PKD1L3: variants seen among roughly 807,000 people sequenced by gnomAD.
The protein encoded by PKD1L3 is polycystin 1 like 3, transient receptor potential channel interacting.
Under a neutral mutation model 184.1 loss-of-function variants are expected in PKD1L3, and 239 were observed. That is an observed-to-expected ratio of 1.30 (90% CI 1.17 to 1.45). The LOEUF is 1.45. Ranked by LOEUF, PKD1L3 falls within the 40% of genes most tolerant of loss-of-function variation. The pLI is 0.00. For missense variants in PKD1L3, 2,660 were observed against 2,067.2 expected (o/e 1.29, Z -5.56); for synonymous variants, 996 against 778.8 (o/e 1.28, Z -4.64).
chr16:71,950,799 C>T (rs1302401350), intron 19 of PKD1L3, among the ~76,000 whole-genome samples: 3 of 146,966 alleles, frequency 2.0e-5, no homozygotes, highest in African/African-American at 7.6e-5. Context: ...GTGGCACGAT[C>T]TTGGCTCACT....
chr16:71,993,980 G>A (rs1378498538), intron 2 of PKD1L3, among the ~76,000 whole-genome samples: 1 of 152,098 alleles, frequency 6.6e-6, no homozygotes, highest in Non-Finnish European at 1.5e-5. Flanking sequence ...ATGTTGGCCA[G>A]GCTGGTCTTG....
intron 10 of PKD1L3, 30 bp downstream of exon 10, chr16:71,978,225 C>A: frequency 6.5e-7 from 1 of 1,538,670 alleles, no homozygotes; most frequent in Non-Finnish European, 8.8e-7. Flanking sequence ...CCATTCTCTT[C>A]TATTTTATTC....
rs756549601 is a variant in PKD1L3 at position 71,973,335 on chromosome 16, C to T, written c.1942G>A (p.Ala648Thr). ...WEIHNQTWSS[A>T]GCQVGPQSTI... is the part of the protein sequence containing the mutation. Reference sequence around the variant, plus strand: ...GCTCAGTTTCTTACTTGGCATCCGGCGCTGCTCCATGTCTGGTTGTGGATC... The same window carrying T: ...GCTCAGTTTCTTACTTGGCATCCGGTGCTGCTCCATGTCTGGTTGTGGATC... The change falls in exon 12 of 30, where the codon GCC (alanine) becomes ACC (threonine). Residue 648 changes from alanine (A) to threonine (T), a missense_variant. Physicochemically the swap from Ala to Thr is moderately conservative, Grantham distance 58. Coordinates refer to ENST00000620267, the MANE Select transcript of PKD1L3 (RefSeq NM_181536.2). 9.0e-6 allele frequency: 14 copies of T among 1,551,578 alleles called. No individual in the cohort carries two copies. The highest frequency in any genetic ancestry group is 5.9e-5 in the South Asian group (5 of 84,054).
chr16:71,997,459 A>T (rs932725827), intron 2 of PKD1L3, among the ~76,000 whole-genome samples: 4 of 151,862 alleles, frequency 2.6e-5, no homozygotes, highest in Non-Finnish European at 5.9e-5. Context: ...CACATAAAAA[A>T]ATAAATAGGC....
Position 71,982,164 on chromosome 16 carries a change from A to G in PKD1L3, c.1038T>C (p.Ser346=), listed in dbSNP as rs180760528. 46 of 1,551,174 alleles carry G rather than the reference A, an allele frequency of 3.0e-5. No homozygotes were observed. In the African/African-American group the frequency reaches 5.1e-4, roughly 17 times the overall value. ...CAGTTGGAGGAACTTTGAAGCCCAGACTGTTGTTGTTCTGAAATGGGATCC... is the reference window on the plus strand; with the variant it reads ...CAGTTGGAGGAACTTTGAAGCCCAGGCTGTTGTTGTTCTGAAATGGGATCC... ...LLRIPFQNNN[S]LGFKVPPTVC... is the part of the protein sequence containing the mutation. The change falls in exon 7 of 30, where the codon AGT becomes AGC. Residue 346 remains serine, a synonymous_variant. Coordinates refer to ENST00000620267, the MANE Select transcript of PKD1L3 (RefSeq NM_181536.2).
Position 71,984,245 on chromosome 16 carries a change from C to T in PKD1L3, c.835-78G>A. On this transcript the variant is annotated intron_variant, in intron 5 of 29. Transcript: ENST00000620267. Reference sequence around the variant, plus strand: ...TAGTAGTCAGGGAGATTATTTTCATCCAAGTTGACCTTGGGTAACTTTATA... The same window carrying T: ...TAGTAGTCAGGGAGATTATTTTCATTCAAGTTGACCTTGGGTAACTTTATA... The T allele has an allele frequency of 2.1e-6, 3 of 1,431,856 alleles. No homozygotes were observed. The East Asian group carries it at 7.7e-5, about 37-fold the overall frequency. 88.7% of individuals were successfully genotyped at this position (1,431,856 alleles called of 1,614,324 possible).
rs757185622 is a variant in PKD1L3 at position 71,944,187 on chromosome 16, T to C, written c.3719-17A>G. ...AACATTTTGCTGTCAAAAATTCAAA[T>C]ATAGACCAAAGAAATGTTATATTTC... On this transcript the variant is annotated splice_polypyrimidine_tract_variant and intron_variant, in intron 22 of 29. Transcript: ENST00000620267. 3 of 1,540,746 alleles carry C rather than the reference T, an allele frequency of 1.9e-6. No individual in the cohort carries two copies. In the South Asian group the frequency reaches 3.6e-5, roughly 19 times the overall value.
chr16:71,973,198 G>A (rs767131946), intron 12 of PKD1L3, 126 bp downstream of exon 12: 31 of 1,188,064 alleles, frequency 2.6e-5, no homozygotes, highest in Non-Finnish European at 3.1e-5. Context: ...CTTTTGCCCA[G>A]GCAGAGTTAT....
In PKD1L3 at chr16:71,934,110, A is replaced by T; in HGVS notation, c.4629T>A (p.Tyr1543Ter). The change falls in exon 27 of 30, where the codon TAT becomes TAA. Residue 1543 changes from tyrosine (Y) to a stop codon, truncating the protein, a stop_gained. Transcript: ENST00000620267. LOFTEE classifies it high-confidence loss of function. The part of the protein sequence containing the change: ...RDDQDRFISF[Y>*]EAVKVNSAAT... ...CAGCAGAGTTCACTTTTACTGCCTC[A>T]TAGAAGCTGATGAATCTGCACCAAG... The T allele has an allele frequency of 6.4e-7, 1 of 1,551,912 alleles. No individual in the cohort carries two copies. The highest frequency in any genetic ancestry group is 8.7e-7 in the Non-Finnish European group (1 of 1,147,046).
intron 3 of PKD1L3, among the ~76,000 whole-genome samples, chr16:71,992,168 A>T (rs188677294): frequency 4.7e-4 from 71 of 152,234 alleles, no homozygotes; most frequent in African/African-American, 1.5e-3. Flanking sequence ...TGCTGAGGGG[A>T]GATCCAGCCC....
At position 71,998,404 on chromosome 16, in the gene PKD1L3, G is replaced by A. The variant is rs1156743156; in HGVS notation, c.296-10C>T. The A allele has an allele frequency of 1.3e-6, 2 of 1,542,686 alleles. No homozygotes were observed. The highest frequency in any genetic ancestry group is 2.4e-5 in the East Asian group (1 of 40,868). ...TTGGCTGCAACGTCTGCTGAGGGGA[G>A]ATCAGACGCAGATGAGCCTCATACT... On this transcript the variant is annotated splice_polypyrimidine_tract_variant and intron_variant, in intron 1 of 29. Transcript: ENST00000620267.
chr16:71,951,319 C>T (rs1316719331), intron 19 of PKD1L3, among the ~76,000 whole-genome samples: 9 of 152,348 alleles, frequency 5.9e-5, no homozygotes, highest in Admixed American at 4.6e-4. Context: ...GGATTACAGG[C>T]GTGACCCACA....
chr16:71,963,437 A>T, intron 15 of PKD1L3, 86 bp from the exon 16 acceptor site: 2 of 1,333,738 alleles, frequency 1.5e-6, no homozygotes, highest in Non-Finnish European at 2.0e-6. Context: ...CCATTAGTAA[A>T]CTGTCCAAGT....
intron 11 of PKD1L3, among the ~76,000 whole-genome samples, chr16:71,975,213 G>A (rs562569370): frequency 7.5e-6 from 1 of 132,598 alleles, no homozygotes; most frequent in East Asian, 2.4e-4. Context: ...ACGCCACCAC[G>A]CTCGGCTAAT....
intron 3 of PKD1L3, 80 bp from the exon 4 acceptor site, chr16:71,990,409 C>T (rs1421567653): frequency 8.3e-7 from 1 of 1,211,904 alleles, no homozygotes; most frequent in African/African-American, 1.5e-5. Flanking sequence ...ACTTCTTATT[C>T]ATGGCTAAAA....
At chr16:71,951,824 G>T in intron 18 of PKD1L3, 80 bp from the exon 19 acceptor site, 1 of 1,285,946 alleles carries the variant, frequency 7.8e-7, no homozygotes, top group Non-Finnish European at 1.1e-6. Context: ...TGGTAAGGCC[G>T]TTCCCTTTCG....
intron 16 of PKD1L3, among the ~76,000 whole-genome samples, chr16:71,956,320 A>T (rs1172408999): frequency 6.7e-6 from 1 of 149,172 alleles, no homozygotes; most frequent in African/African-American, 2.5e-5. Flanking sequence ...CAGCCTCCCA[A>T]GTAGCTGGGA....
chr16:71,950,108 G>T lies in PKD1L3; in HGVS notation c.3383+10C>A, dbSNP rs2143352552. On this transcript the variant is annotated intron_variant, in intron 20 of 29. Transcript: ENST00000620267. Reference sequence around the variant, plus strand: ...ACAGGGGATAAAGAAGGCTTGGTGTGGTGCATTACCTGGATGGCTCTTGCT... The same window carrying T: ...ACAGGGGATAAAGAAGGCTTGGTGTTGTGCATTACCTGGATGGCTCTTGCT... 5 of 1,550,368 alleles carry T rather than the reference G, an allele frequency of 3.2e-6. No individual in the cohort carries two copies. The highest frequency in any genetic ancestry group is 4.4e-6 in the Non-Finnish European group (5 of 1,145,704).
At chr16:71,970,407 A>T (rs1437248963) in intron 12 of PKD1L3, among the ~76,000 whole-genome samples, 1 of 152,228 alleles carries the variant, frequency 6.6e-6, no homozygotes, top group Non-Finnish European at 1.5e-5. Flanking sequence ...CTTTGTCTAT[A>T]ATTATCAAAA....
Sources: gnomAD v4.1 joint callset for allele counts (sites outside exome capture counted in the v4.1 genomes callset) on GRCh38, gnomAD v4.1.1 for gene constraint, MANE v1.5 for transcripts, NCBI Gene and HGNC (gene_info 2026-07-23, HGNC 2026-07-21) for gene names.